Variants in VPS13C observed in about 807,000 individuals in gnomAD.
VPS13C encodes the protein intermembrane lipid transfer protein VPS13C.
A neutral mutation model predicts 456.8 loss-of-function variants in VPS13C; 358 were observed. The ratio of observed to expected loss-of-function variants is 0.78; its 90% confidence interval spans 0.72 to 0.86. The LOEUF (loss-of-function observed/expected upper bound fraction) is 0.86, where lower values mean the gene tolerates loss of function less well. Among genes scored for constraint, VPS13C ranks in the 40% least tolerant of loss-of-function variants. The pLI is 0.00. For synonymous variants in VPS13C, 1,578 were observed against 1,486.7 expected (o/e 1.06, Z -1.41); for missense variants, 4,818 against 4,385.4 (o/e 1.10, Z -2.79).
chr15:61,861,556 T>C lies in VPS13C; in HGVS notation c.10952+1884A>G, dbSNP rs1894227693. On this transcript the variant is annotated intron_variant, in intron 82 of 84. Transcript: ENST00000644861. ...CATAACTTTAGCAATAAAAATTATTTTGGATGTGGTGGTGCATGTATGCCT... is the reference window on the plus strand; with the variant it reads ...CATAACTTTAGCAATAAAAATTATTCTGGATGTGGTGGTGCATGTATGCCT... Among the ~76,000 whole-genome samples, 2 of 152,102 alleles carry C rather than the reference T, an allele frequency of 1.3e-5. 1 individual carries two copies. Among genetic ancestry groups the C allele is most frequent in the South Asian group, 4.1e-4 (2 of 4,824 alleles).
intron 62 of VPS13C, 126 bp from the exon 63 acceptor site, chr15:61,912,130 T>C (rs562771319): frequency 3.5e-5 from 31 of 878,638 alleles, no homozygotes; most frequent in Non-Finnish European, 4.3e-5. Context: ...AAAGCAACTA[T>C]AAGTTACATT....
intron 1 of VPS13C, 114 bp downstream of exon 1, chr15:62,060,161 G>T: frequency 5.9e-6 from 3 of 508,908 alleles, no homozygotes; most frequent in South Asian, 5.7e-5. Flanking sequence ...TGCCGCACCG[G>T]GATGGGGAGT....
At position 61,867,917 on chromosome 15, in the gene VPS13C, G is replaced by C. The variant is rs897095068; in HGVS notation, c.10863+742C>G. Reference sequence around the variant, plus strand: ...AGGATGAAATCAAGTAGTAGTTTAGGAAACATTTATTCCTGTATTTCCAGT... The same window carrying C: ...AGGATGAAATCAAGTAGTAGTTTAGCAAACATTTATTCCTGTATTTCCAGT... On this transcript the variant is annotated intron_variant, in intron 81 of 84. Transcript: ENST00000644861. This position sits in a 1 kb window ranked among gnomAD's most constrained non-coding sequence, Gnocchi z 5.0. 7 of 1,608,000 alleles carry C rather than the reference G, an allele frequency of 4.4e-6. No individual in the cohort carries two copies. Among genetic ancestry groups the C allele is most frequent in the Non-Finnish European group, 6.0e-6 (7 of 1,176,362 alleles).
At chr15:62,055,741 G>A (rs1400364352) in intron 1 of VPS13C, among the ~76,000 whole-genome samples, 2 of 151,892 alleles carry the variant, frequency 1.3e-5, no homozygotes, top group African/African-American at 4.8e-5. Context: ...TTTCTCTCTC[G>A]AATTACAGAT....
intron 9 of VPS13C, among the ~76,000 whole-genome samples, chr15:62,019,700 A>AG (rs1176413983): frequency 2.0e-5 from 3 of 152,020 alleles, no homozygotes; most frequent in African/African-American, 7.2e-5. Context: ...GGAGTGCTTT[A>AG]CTTCCAACTA....
At chr15:61,952,007 CAACT>C (rs2044815812) in intron 38 of VPS13C, 27 bp from the exon 39 acceptor site, 2 of 1,603,656 alleles carry the variant, frequency 1.2e-6, no homozygotes, top group Non-Finnish European at 1.7e-6. Context: ...GTATTACCAC[CAACT>C]ATTTCACCAA....
At chr15:62,003,503 C>A (rs1046883293) in intron 15 of VPS13C, among the ~76,000 whole-genome samples, 1 of 152,044 alleles carries the variant, frequency 6.6e-6, no homozygotes, top group African/African-American at 2.4e-5. Flanking sequence ...TAATTGAATA[C>A]CCTTTAGTTC....
chr15:62,032,876 T>A (rs2047864904), intron 5 of VPS13C, among the ~76,000 whole-genome samples: 1 of 151,832 alleles, frequency 6.6e-6, no homozygotes, highest in Admixed American at 6.6e-5. Flanking sequence ...GTTCTTGCTC[T>A]ATAAACCAAA....
At chr15:61,925,256 ACT>A (rs1176603481) in intron 53 of VPS13C, among the ~76,000 whole-genome samples, 198 bp downstream of exon 53, 1 of 151,990 alleles carries the variant, frequency 6.6e-6, no homozygotes, top group Non-Finnish European at 1.5e-5. Context: ...ATTAAAAAGT[ACT>A]CTTTTACAGA....
In VPS13C at chr15:61,884,402, C is replaced by T. The variant is rs545297172; in HGVS notation, c.9342-133G>A. 53 of 900,610 alleles carry T rather than the reference C, an allele frequency of 5.9e-5. No individual in the cohort carries two copies. The East Asian group carries it at 1.0e-3, about 17-fold the overall frequency. 55.8% of individuals were successfully genotyped at this position (900,610 alleles called of 1,614,324 possible). On this transcript the variant is annotated intron_variant, in intron 67 of 84. Transcript: ENST00000644861. ...TGGTATAAGGGACTTCTTAAAATAA[C>T]GAACTATACCTGTGTTGCAAGAGTA...
At chr15:62,014,053 T>C (rs1462551495) in intron 9 of VPS13C, 61 bp from the exon 10 acceptor site, 2 of 1,217,566 alleles carry the variant, frequency 1.6e-6, no homozygotes, top group Non-Finnish European at 2.4e-6. Flanking sequence ...AGCGCTCTAA[T>C]ACTTACATAA....
At chr15:62,059,218 T>G (rs2048905841) in intron 1 of VPS13C, among the ~76,000 whole-genome samples, 2 of 152,228 alleles carry the variant, frequency 1.3e-5, no homozygotes, top group Admixed American at 6.5e-5. Flanking sequence ...ATGTTTTAAT[T>G]CATACAGCAA....
At chr15:62,037,270 T>C (rs1393168225) in intron 3 of VPS13C, among the ~76,000 whole-genome samples, 72 of 70,414 alleles carry the variant, frequency 1.0e-3, no homozygotes, top group African/African-American at 4.0e-3. Context: ...TATTATATTA[T>C]ATAATATATT....
rs2043458567 is a variant in VPS13C at position 61,915,959 on chromosome 15, T to C, written c.8119A>G (p.Ser2707Gly). Reference sequence around the variant, plus strand: ...AGGACTAATTCCATTATTTCACCACTGATTCTCGAATGCAGAACATCAGCA... The same window carrying C: ...AGGACTAATTCCATTATTTCACCACCGATTCTCGAATGCAGAACATCAGCA... The part of the protein sequence containing the change: ...STADVLHSRI[S>G]GEIMELVLVK... The change falls in exon 61 of 85, where the codon AGT becomes GGT. Residue 2707 changes from serine to glycine, a missense_variant. By Grantham distance (56) the Ser-to-Gly change is moderately conservative. This residue lies in a region of VPS13C where 4,552 missense variants were observed against 4,130.6 expected (regional missense o/e 1.10). Transcript: ENST00000644861. 6.2e-7 allele frequency: 1 copy of C among 1,613,580 alleles called. No individual in the cohort carries two copies. The highest frequency in any genetic ancestry group is 1.3e-5 in the African/African-American group (1 of 75,022).
Position 61,941,806 on chromosome 15 carries a change from T to C in VPS13C, c.5410A>G (p.Ile1804Val), listed in dbSNP as rs73430435. The C allele has an allele frequency of 5.4e-4, 864 of 1,613,414 alleles. 2 individuals are homozygous for C. In the African/African-American group the frequency reaches 1.0e-2, roughly 19 times the overall value. The change falls in exon 46 of 85, where the codon ATT (isoleucine) becomes GTT (valine). Residue 1804 changes from isoleucine (I) to valine (V), a missense_variant. Physicochemically the swap from Ile to Val is conservative, Grantham distance 29 (BLOSUM62 3). This residue lies in a region of VPS13C where 4,552 missense variants were observed against 4,130.6 expected (regional missense o/e 1.10). Transcript: ENST00000644861. ...GTGAGTTCGATGTTCATTTTATCAATGACTGGAGGAAGAGAATAATGTTCC... is the reference window on the plus strand; with the variant it reads ...GTGAGTTCGATGTTCATTTTATCAACGACTGGAGGAAGAGAATAATGTTCC... ...PMEHYSLPPV[I>V]DKMNIELTQL...
intron 1 of VPS13C, among the ~76,000 whole-genome samples, chr15:62,056,336 T>C (rs1312094504): frequency 6.6e-6 from 1 of 152,196 alleles, no homozygotes; most frequent in Non-Finnish European, 1.5e-5. Flanking sequence ...TGTACAATCA[T>C]AACCTAGGAA....
chr15:61,900,212 A>T (rs529894943), intron 66 of VPS13C, among the ~76,000 whole-genome samples: 438 of 152,268 alleles, frequency 2.9e-3, no homozygotes, highest in Non-Finnish European at 4.6e-3. Flanking sequence ...CAAGACAGGG[A>T]TGCCCTCTCT....
intron 46 of VPS13C, among the ~76,000 whole-genome samples, chr15:61,941,514 A>AT (rs2044424316): frequency 6.6e-6 from 1 of 152,168 alleles, no homozygotes; most frequent in African/African-American, 2.4e-5. Flanking sequence ...GTAAACTATA[A>AT]TTTTATAATA....
intron 24 of VPS13C, among the ~76,000 whole-genome samples, chr15:61,974,865 G>C (rs754889394): frequency 6.6e-6 from 1 of 152,076 alleles, no homozygotes; most frequent in Non-Finnish European, 1.5e-5. Context: ...TGATTAAAAT[G>C]TCAGCTCCAT....
Sources: gnomAD v4.1 joint callset for allele counts (sites outside exome capture counted in the v4.1 genomes callset) on GRCh38, gnomAD v4.1.1 for gene constraint, gnomAD v4.1.1 regional missense constraint, Gnocchi (gnomAD v3.1) non-coding constraint, MANE v1.5 for transcripts, NCBI Gene and HGNC (gene_info 2026-07-23, HGNC 2026-07-21) for gene names.